The following OIP5 variants were observed in gnomAD, a reference collection of about 807,000 sequenced individuals.
OIP5 encodes the protein Opa interacting protein 5.
A neutral mutation model predicts 20.3 loss-of-function variants in OIP5; 24 were observed. The ratio of observed to expected loss-of-function variants is 1.18; its 90% confidence interval spans 0.86 to 1.66. The LOEUF (loss-of-function observed/expected upper bound fraction) is 1.66. OIP5 is among the 40% of genes most tolerant of loss of function. The pLI is 0.00. For synonymous variants in OIP5, 143 were observed against 121.3 expected, an observed-to-expected ratio of 1.18 and a Z score of -1.17; for missense variants, 339 against 289.5, an observed-to-expected ratio of 1.17 and a Z score of -1.24.
chr15:41,324,634 T>C (rs1441535026), intron 2 of OIP5, among the ~76,000 whole-genome samples: 4 of 152,050 alleles, frequency 2.6e-5, no homozygotes, highest in Non-Finnish European at 5.9e-5. Context: ...GAATTACAGG[T>C]GTGCGCCACC....
rs532210622 is a variant in OIP5, at chr15:41,313,964, A to G, written c.513-610T>C. Among the ~76,000 whole-genome samples the G allele has an allele frequency of 2.0e-5, 3 of 152,294 alleles. No homozygotes were observed. In the East Asian group the frequency reaches 5.8e-4, roughly 29 times the overall value. On this transcript the variant is annotated intron_variant, in intron 3 of 4. Coordinates refer to ENST00000220514, the MANE Select transcript of OIP5 (RefSeq NM_007280.2). Reference sequence around the variant, plus strand: ...GACAAAATTATCTCAGGGTAAATTAAAGACAAAAACCAGGCTCATATGAAT... The same window carrying G: ...GACAAAATTATCTCAGGGTAAATTAGAGACAAAAACCAGGCTCATATGAAT...
chr15:41,321,369 C>T (rs1264128426), intron 2 of OIP5, among the ~76,000 whole-genome samples: 1 of 152,008 alleles, frequency 6.6e-6, no homozygotes, highest in Non-Finnish European at 1.5e-5. Flanking sequence ...CCCGGCCGCC[C>T]CTACTGGGAA....
intron 2 of OIP5, among the ~76,000 whole-genome samples, chr15:41,328,215 C>T (rs1168493896): frequency 2.6e-4 from 39 of 152,206 alleles, no homozygotes; most frequent in African/African-American, 2.4e-5. Context: ...GATGAAGTCT[C>T]GCTATGTTGC....
intron 3 of OIP5, among the ~76,000 whole-genome samples, chr15:41,315,373 G>T (rs564131789): frequency 1.3e-5 from 2 of 150,780 alleles, no homozygotes. Flanking sequence ...AGGTTGCAAT[G>T]AGCTGAGATC....
chr15:41,315,182 C>T (rs1425757108), intron 3 of OIP5, among the ~76,000 whole-genome samples: 2 of 151,484 alleles, frequency 1.3e-5, no homozygotes, highest in Non-Finnish European at 2.9e-5. Flanking sequence ...GTAATCCCAG[C>T]ACTTTGGGAG....
At position 41,319,770 on chromosome 15, in the gene OIP5, G is replaced by GGTTGTAAGTACTAGGGGT. The variant is rs2047811586; in HGVS notation, c.390-8_399dup (p.Asn133_Leu134insThrProSerThrTyrAsn). The GGTTGTAAGTACTAGGGGT allele has an allele frequency of 6.2e-7, 1 of 1,611,798 alleles. No homozygotes were observed. Among genetic ancestry groups the GGTTGTAAGTACTAGGGGT allele is most frequent in the Admixed American group, 1.7e-5 (1 of 59,628 alleles). ...ATCCCACAAGAACCACAGAATAAAA[G>GGTTGTAAGTACTAGGGGT]GTTGTAAGTACTAGGGGTGGGGAAA... On this transcript the variant is annotated inframe_insertion, in exon 3 of 5. Transcript: ENST00000220514.
chr15:41,315,311 T>TC (rs1198277255), intron 3 of OIP5, among the ~76,000 whole-genome samples: 1 of 151,256 alleles, frequency 6.6e-6, no homozygotes, highest in Non-Finnish European at 1.5e-5. Flanking sequence ...GCACCTGTGG[T>TC]CCCATCTGCT....
Position 41,309,819 on chromosome 15 carries a change from G to C in OIP5, c.625C>G (p.Arg209Gly). 1 of 1,613,562 alleles carries C rather than the reference G, an allele frequency of 6.2e-7. No homozygotes were observed. The highest frequency in any genetic ancestry group is 8.5e-7 in the Non-Finnish European group (1 of 1,179,542). ...AGAATCTTCATTAGTGATTTTAAGC[G>C]ATTGTGCGTTAGCACTATCTTCTCT... Reference protein sequence around the residue: ...LKEKIVLTHNRLKSLMKILSE... With the variant: ...LKEKIVLTHNGLKSLMKILSE... The change falls in exon 5 of 5, where the codon CGC becomes GGC. Residue 209 changes from arginine to glycine, a missense_variant. By Grantham distance (125) the Arg-to-Gly change is moderately radical (BLOSUM62 -2). Coordinates refer to ENST00000220514, the MANE Select transcript of OIP5 (RefSeq NM_007280.2).
intron 2 of OIP5, among the ~76,000 whole-genome samples, chr15:41,321,211 GC>G (rs1222655300): frequency 6.7e-6 from 1 of 149,190 alleles, no homozygotes; most frequent in South Asian, 2.1e-4. Flanking sequence ...GGGGGGGTCA[GC>G]CCCCCGCCCG....
intron 2 of OIP5, among the ~76,000 whole-genome samples, chr15:41,324,979 C>G (rs1334346506): frequency 1.3e-5 from 2 of 152,068 alleles, no homozygotes; most frequent in Non-Finnish European, 2.9e-5. Flanking sequence ...TGGTGGAAGT[C>G]AAAACACAGG....
At position 41,331,981 on chromosome 15, in the gene OIP5, C is replaced by T. The variant is rs1567030177; in HGVS notation, c.323G>A (p.Arg108Lys). Residue 108 changes from arginine (R) to lysine (K), a missense_variant and splice_region_variant, in exon 2 of 5, where the codon AGA becomes AAA. By Grantham distance (26) the Arg-to-Lys change is conservative. Coordinates refer to ENST00000220514, the MANE Select transcript of OIP5 (RefSeq NM_007280.2). ...TTCCAAAACGACGTTATTTGTAACT[C>T]CTAGGAAGACAAACACGGGTCAGAA... ...SRSLGAVVFS[R>K]VTNNVVLEAP... The T allele has an allele frequency of 1.2e-6, 2 of 1,613,906 alleles. No individual in the cohort carries two copies. The highest frequency in any genetic ancestry group is 1.7e-6 in the Non-Finnish European group (2 of 1,179,894).
rs2047815442 is a variant in OIP5, at chr15:41,320,361, T to A, written c.390-581A>T. On this transcript the variant is annotated intron_variant, in intron 2 of 4. Coordinates refer to ENST00000220514, the MANE Select transcript of OIP5 (RefSeq NM_007280.2). Reference sequence around the variant, plus strand: ...TGGACTGTACTGCTGCCATCTCGGCTCACTGCAACCTCCCTGCCTGATTCT... The same window carrying A: ...TGGACTGTACTGCTGCCATCTCGGCACACTGCAACCTCCCTGCCTGATTCT... 3.3e-5 allele frequency among the ~76,000 whole-genome samples: 5 copies of A among 150,650 alleles called. No homozygotes were observed. In the South Asian group the frequency reaches 1.1e-3, roughly 34 times the overall value.
intron 2 of OIP5, among the ~76,000 whole-genome samples, chr15:41,330,946 C>T (rs1024194794): frequency 6.6e-6 from 1 of 152,142 alleles, no homozygotes; most frequent in African/African-American, 2.4e-5. Context: ...ATTGCTCCTT[C>T]TTGCTTTGTC....
intron 4 of OIP5, among the ~76,000 whole-genome samples, chr15:41,312,381 G>A (rs1376625093): frequency 4.0e-5 from 6 of 149,900 alleles, no homozygotes; most frequent in African/African-American, 1.5e-4. Context: ...GGCTGGTCTC[G>A]AACTACTGAT....
At chr15:41,312,241 A>C (rs1436124076) in intron 4 of OIP5, among the ~76,000 whole-genome samples, 3 of 150,764 alleles carry the variant, frequency 2.0e-5, no homozygotes, top group African/African-American at 7.4e-5. Flanking sequence ...GCCTCACAAC[A>C]ACCTCTATCT....
At chr15:41,331,315 TG>T (rs2047907742) in intron 2 of OIP5, among the ~76,000 whole-genome samples, 1 of 152,240 alleles carries the variant, frequency 6.6e-6, no homozygotes, top group East Asian at 1.9e-4. Flanking sequence ...CTCCAGTTTC[TG>T]GGGTTACTGA....
intron 2 of OIP5, among the ~76,000 whole-genome samples, chr15:41,321,246 A>C (rs1264940761): frequency 7.9e-6 from 1 of 125,966 alleles, no homozygotes; most frequent in Non-Finnish European, 1.7e-5. Flanking sequence ...TCCGGGAGGG[A>C]GGTGGGGTGG....
At chr15:41,328,445 T>C (rs1335676053) in intron 2 of OIP5, among the ~76,000 whole-genome samples, 2 of 152,210 alleles carry the variant, frequency 1.3e-5, no homozygotes, top group African/African-American at 2.4e-5. Context: ...TAGAAAAAAA[T>C]GTACTTCACT....
chr15:41,316,107 C>T (rs2047787363), intron 3 of OIP5, among the ~76,000 whole-genome samples: 1 of 151,858 alleles, frequency 6.6e-6, no homozygotes. Context: ...CAGCTCCAGC[C>T]TGGGCGAAAG....
Sources: allele counts gnomAD v4.1 joint callset (sites outside exome capture counted in the v4.1 genomes callset), GRCh38; gene constraint gnomAD v4.1.1; transcripts MANE v1.5; gene names NCBI Gene and HGNC (gene_info 2026-07-23, HGNC 2026-07-21).